ANGPT4: variants seen among roughly 807,000 people sequenced by gnomAD.
ANGPT4 encodes the protein angiopoietin-4.
A neutral mutation model predicts 53.0 loss-of-function variants in ANGPT4; 50 were observed. That is an observed-to-expected ratio of 0.94 (90% CI 0.75 to 1.20). The LOEUF is 1.20. Among genes scored for constraint, ANGPT4 ranks in the 50% most tolerant of loss-of-function variants. The probability of loss-of-function intolerance (pLI) is 0.00; values close to 1 mark genes in which losing one functional copy is unlikely to be tolerated. For missense variants in ANGPT4, 648 were observed against 637.1 expected (o/e 1.02, Z -0.18); for synonymous variants, 251 against 259.7 (o/e 0.97, Z 0.32).
At chr20:901,130 T>C (rs1982270022) in intron 1 of ANGPT4, among the ~76,000 whole-genome samples, 1 of 152,138 alleles carries the variant, frequency 6.6e-6, no homozygotes, top group Admixed American at 6.5e-5. Context: ...CCTCCAAAAA[T>C]TTTCGCCACC....
chr20:915,840 C>A, intron 1 of ANGPT4, 66 bp downstream of exon 1: 1 of 1,505,424 alleles, frequency 6.6e-7, no homozygotes, highest in Non-Finnish European at 8.9e-7. Context: ...ATGGACACTC[C>A]ACCTGCTGAT....
chr20:874,323 C>T lies in ANGPT4; in HGVS notation c.1312G>A (p.Asp438Asn), dbSNP rs758960582. ...TSFSTLDSDNDHCLCKCAQVM... is the reference protein window; with the variant it reads ...TSFSTLDSDNNHCLCKCAQVM... ...TGGGCACACTTGCAGAGACAGTGGTCGTTGTCTGAGTCAAGGGTGCTAAAG... is the reference window on the plus strand; with the variant it reads ...TGGGCACACTTGCAGAGACAGTGGTTGTTGTCTGAGTCAAGGGTGCTAAAG... The change falls in exon 8 of 9, where the codon GAC becomes AAC. Residue 438 changes from aspartate (D) to asparagine (N), a missense_variant. By Grantham distance (23) the Asp-to-Asn change is conservative (BLOSUM62 1). Coordinates refer to ENST00000381922, the MANE Select transcript of ANGPT4 (RefSeq NM_015985.4). The T allele has an allele frequency of 1.6e-5, 26 of 1,614,072 alleles. No homozygotes were observed. The highest frequency in any genetic ancestry group is 2.1e-5 in the Non-Finnish European group (25 of 1,180,034).
intron 1 of ANGPT4, among the ~76,000 whole-genome samples, chr20:907,199 T>G (rs1381941215): frequency 1.3e-5 from 2 of 152,208 alleles, no homozygotes; most frequent in Non-Finnish European, 2.9e-5. Flanking sequence ...GCACAGTGCC[T>G]GGCACACAGT....
intron 1 of ANGPT4, among the ~76,000 whole-genome samples, chr20:903,566 C>T (rs1982366245): frequency 6.6e-6 from 1 of 152,212 alleles, no homozygotes; most frequent in South Asian, 2.1e-4. Flanking sequence ...CTAAACCCTG[C>T]CTTGGGTCCC....
chr20:899,737 C>T lies in ANGPT4; in HGVS notation c.310-9369G>A, dbSNP rs114622839. 3.5e-3 allele frequency among the ~76,000 whole-genome samples: 527 copies of T among 152,296 alleles called. 2 individuals are homozygous for T. Among genetic ancestry groups the T allele is most frequent in the African/African-American group, 0.012 (478 of 41,564 alleles). On this transcript the variant is annotated intron_variant, in intron 1 of 8. Coordinates refer to ENST00000381922, the MANE Select transcript of ANGPT4 (RefSeq NM_015985.4). ...CCCATATACTCTCCTATCCTCAATA[C>T]GCCCCTCCACAACCCATTAATCTGT...
intron 2 of ANGPT4, 95 bp from the exon 3 acceptor site, chr20:888,534 A>T (rs1981708543): frequency 6.6e-7 from 1 of 1,509,508 alleles, no homozygotes. Flanking sequence ...CCACTCCAGA[A>T]ACTTACCCAT....
intron 6 of ANGPT4, among the ~76,000 whole-genome samples, chr20:878,962 C>T (rs150563331): frequency 7.2e-5 from 11 of 152,250 alleles, no homozygotes; most frequent in African/African-American, 2.4e-4. Context: ...CACCCAAGGC[C>T]CGCTCCCCAA....
chr20:908,952 C>T lies in ANGPT4; in HGVS notation c.309+6954G>A, dbSNP rs1478621710. ...CTGGGTTCTGGGCCAACTCCTGCCA[C>T]CGACCCTTGGGTGAATGTGATTGAG... On this transcript the variant is annotated intron_variant, in intron 1 of 8. Transcript: ENST00000381922. This position sits in a 1 kb window ranked among gnomAD's most constrained non-coding sequence, Gnocchi z 4.9. 6.6e-6 allele frequency among the ~76,000 whole-genome samples: 1 copy of T among 152,116 alleles called. No homozygotes were observed. The highest frequency in any genetic ancestry group is 1.5e-5 in the Non-Finnish European group (1 of 68,022).
intron 7 of ANGPT4, among the ~76,000 whole-genome samples, chr20:876,624 C>G (rs955126792): frequency 6.6e-6 from 1 of 152,232 alleles, no homozygotes; most frequent in Non-Finnish European, 1.5e-5. Flanking sequence ...ACCCATTCTA[C>G]AGATGAAACC....
At chr20:877,889 G>A (rs1981228388) in intron 7 of ANGPT4, among the ~76,000 whole-genome samples, 1 of 152,196 alleles carries the variant, frequency 6.6e-6, no homozygotes, top group Non-Finnish European at 1.5e-5. Context: ...GGCTGACTTG[G>A]GGTGACTGAC....
intron 3 of ANGPT4, among the ~76,000 whole-genome samples, chr20:886,620 T>C (rs61494461): frequency 0.18 from 27,840 of 152,192 alleles, 2,775 homozygotes; most frequent in East Asian, 0.46. Context: ...GCCTAGACCA[T>C]CTTAAACATG....
At position 908,184 on chromosome 20, in the gene ANGPT4, A is replaced by G. The variant is rs1474667281; in HGVS notation, c.309+7722T>C. Among the ~76,000 whole-genome samples, 1 of 152,086 alleles carries G rather than the reference A, an allele frequency of 6.6e-6. No individual in the cohort carries two copies. The highest frequency in any genetic ancestry group is 1.5e-5 in the Non-Finnish European group (1 of 68,010). ...TGATCCTCAGTGAGGACAGGACAGAAAAGTGGCCACATCTCTTCCCAGTCT... is the reference window on the plus strand; with the variant it reads ...TGATCCTCAGTGAGGACAGGACAGAGAAGTGGCCACATCTCTTCCCAGTCT... On this transcript the variant is annotated intron_variant, in intron 1 of 8. Transcript: ENST00000381922. This position sits in a 1 kb window ranked among gnomAD's most constrained non-coding sequence, Gnocchi z 4.9.
intron 1 of ANGPT4, among the ~76,000 whole-genome samples, chr20:900,709 G>T (rs1982252100): frequency 1.3e-5 from 2 of 152,148 alleles, no homozygotes. Flanking sequence ...TCCAAATGAA[G>T]AAGGTTGTTT....
At chr20:877,839 G>A (rs570516419) in intron 7 of ANGPT4, among the ~76,000 whole-genome samples, 2 of 152,210 alleles carry the variant, frequency 1.3e-5, no homozygotes, top group Admixed American at 6.5e-5. Context: ...AGGACAGGCT[G>A]GGCAAGTCAC....
intron 1 of ANGPT4, among the ~76,000 whole-genome samples, chr20:912,675 G>C (rs1982751364): frequency 6.6e-6 from 1 of 152,200 alleles, no homozygotes; most frequent in East Asian, 1.9e-4. Flanking sequence ...TGCAGGGGAG[G>C]AGGAGAGTAT....
chr20:873,786 CT>C (rs1419070676), intron 8 of ANGPT4, among the ~76,000 whole-genome samples: 7 of 152,168 alleles, frequency 4.6e-5, no homozygotes, highest in Admixed American at 4.6e-4. Flanking sequence ...CTTTCTCCAT[CT>C]GTCCTCTGTG....
At chr20:909,905 G>A (rs578123894) in intron 1 of ANGPT4, among the ~76,000 whole-genome samples, 1 of 152,188 alleles carries the variant, frequency 6.6e-6, no homozygotes, top group Non-Finnish European at 1.5e-5. Flanking sequence ...GCTGCCTGAG[G>A]CCCTACCTGA....
At chr20:873,230 C>T in intron 8 of ANGPT4, 110 bp from the exon 9 acceptor site, 1 of 1,114,574 alleles carries the variant, frequency 9.0e-7, no homozygotes, top group Non-Finnish European at 1.2e-6. Flanking sequence ...GCTGTTGCCT[C>T]CTCTGGGAAG....
At chr20:879,021 T>C (rs1981284972) in intron 6 of ANGPT4, among the ~76,000 whole-genome samples, 1 of 152,214 alleles carries the variant, frequency 6.6e-6, no homozygotes, top group Admixed American at 6.5e-5. Flanking sequence ...TATTCAGGGT[T>C]CTTTTGTGTA....
Sources: gnomAD v4.1 joint callset for allele counts (sites outside exome capture counted in the v4.1 genomes callset) on GRCh38, gnomAD v4.1.1 for gene constraint, Gnocchi (gnomAD v3.1) non-coding constraint, MANE v1.5 for transcripts, NCBI Gene and HGNC (gene_info 2026-07-23, HGNC 2026-07-21) for gene names.